Variants in INTS1 observed in about 807,000 individuals in gnomAD.
The protein encoded by INTS1 is integrator complex subunit 1.
In INTS1, 137 loss-of-function variants were observed where a neutral mutation model predicts 241.6. The ratio of observed to expected loss-of-function variants is 0.57; its 90% CI spans 0.49 to 0.65. The LOEUF is 0.65. INTS1 is among the 30% of genes least tolerant of loss of function. The pLI is 0.00. For synonymous variants in INTS1, 1,692 were observed against 1,337.8 expected (o/e 1.26, Z -5.78); for missense variants, 3,073 against 3,032.2 (o/e 1.01, Z -0.32).
chr7:1,488,468 G>T (rs552394176), intron 18 of INTS1, among the ~76,000 whole-genome samples: 2 of 152,066 alleles, frequency 1.3e-5, no homozygotes, highest in South Asian at 2.1e-4. Context: ...CTTCAGAGGT[G>T]GGGGGAAGCA....
chr7:1,482,021 GGGGGC>G (rs1562495726), intron 27 of INTS1, among the ~76,000 whole-genome samples: 12 of 152,202 alleles, frequency 7.9e-5, no homozygotes, highest in African/African-American at 2.9e-4. Flanking sequence ...GGTGGCTTCC[GGGGGC>G]ACACAACAGC....
intron 39 of INTS1, 82 bp from the exon 40 acceptor site, chr7:1,474,920 G>C (rs931147837): frequency 6.7e-7 from 1 of 1,497,960 alleles, no homozygotes; most frequent in African/African-American, 1.4e-5. Context: ...GCCAGCTGTG[G>C]CCGTGATCCA....
At chr7:1,502,015 G>A (rs1351759137) in intron 3 of INTS1, among the ~76,000 whole-genome samples, 3 of 152,006 alleles carry the variant, frequency 2.0e-5, no homozygotes, top group African/African-American at 4.8e-5. Flanking sequence ...CAGGGCCGTC[G>A]GGGACTCACT....
In INTS1 at chr7:1,503,055, C is replaced by A. The variant is rs767705993; in HGVS notation, c.195G>T (p.Leu65Phe). 1.2e-6 allele frequency: 2 copies of A among 1,613,390 alleles called. No individual in the cohort carries two copies. The highest frequency in any genetic ancestry group is 1.7e-5 in the Admixed American group (1 of 60,010). ...SERKRDAAAA[L>F]SSASALTGLT... ...GACCGGTGAGGGCCGAGGCACTGGA[C>A]AACGCGGCCGCCGCATCCCGCTTGC... Residue 65 changes from leucine (L) to phenylalanine (F), a missense_variant, in exon 3 of 48, where the codon TTG becomes TTT. Physicochemically the swap from Leu to Phe is conservative, Grantham distance 22. Coordinates refer to ENST00000404767, the MANE Select transcript of INTS1 (RefSeq NM_001080453.3).
At chr7:1,480,764 G>T in intron 29 of INTS1, 71 bp downstream of exon 29, 1 of 1,253,856 alleles carries the variant, frequency 8.0e-7, no homozygotes. Flanking sequence ...CCCTCCCCAG[G>T]CTGGGTCTCT....
rs10271584 is a variant in INTS1, at chr7:1,488,772, G to A, written c.2318+572C>T. Among the ~76,000 whole-genome samples, 383 of 152,306 alleles carry A rather than the reference G, an allele frequency of 2.5e-3. 3 individuals are homozygous for A. The highest frequency in any genetic ancestry group is 8.6e-3 in the African/African-American group (357 of 41,576). ...TAGGATGCTGGCCCCAGAGCTCATC[G>A]GCCCTCGCCCACACTGTGTGGGCAC... On this transcript the variant is annotated intron_variant, in intron 18 of 47. Coordinates refer to ENST00000404767, the MANE Select transcript of INTS1 (RefSeq NM_001080453.3).
chr7:1,487,620 G>A (rs889357306), intron 19 of INTS1, 140 bp downstream of exon 19: 64 of 1,278,234 alleles, frequency 5.0e-5, no homozygotes, highest in Non-Finnish European at 2.6e-5. Flanking sequence ...CCAGGGACGC[G>A]GGGACGGGGC....
intron 16 of INTS1, among the ~76,000 whole-genome samples, chr7:1,490,785 C>T (rs1184999305): frequency 6.6e-6 from 1 of 152,216 alleles, no homozygotes; most frequent in Non-Finnish European, 1.5e-5. Flanking sequence ...TGGGAAAGAA[C>T]AAAGTTGGAA....
At chr7:1,500,700 C>T (rs1002507131) in intron 3 of INTS1, among the ~76,000 whole-genome samples, 6 of 152,198 alleles carry the variant, frequency 3.9e-5, no homozygotes, top group Non-Finnish European at 8.8e-5. Flanking sequence ...GTGGCTCCGT[C>T]TGGCGGCTTC....
chr7:1,480,847 G>C lies in INTS1; in HGVS notation c.3937C>G (p.Pro1313Ala). Residue 1313 changes from proline (P) to alanine (A), a missense_variant, in exon 29 of 48, where the codon CCG (proline) becomes GCG (alanine). Transcript: ENST00000404767. ...TFHSLLTASL[P>A]PRRDSTEAPK... ...CCCTCCCCAGTACCTCGGCGGGGCG[G>C]CAGGGAGGCTGTGAGCAAGGAGTGG... The C allele has an allele frequency of 6.4e-7, 1 of 1,552,312 alleles. No homozygotes were observed. The highest frequency in any genetic ancestry group is 8.7e-7 in the Non-Finnish European group (1 of 1,148,724).
chr7:1,502,347 G>T (rs923501871), intron 3 of INTS1, among the ~76,000 whole-genome samples: 2 of 152,102 alleles, frequency 1.3e-5, no homozygotes, highest in African/African-American at 4.8e-5. Context: ...GGGCAGGGGC[G>T]ATTCTAGGCA....
intron 19 of INTS1, 69 bp from the exon 20 acceptor site, chr7:1,487,518 C>T: frequency 6.5e-7 from 1 of 1,534,200 alleles, no homozygotes; most frequent in Non-Finnish European, 8.8e-7. Context: ...CCCTCCTCCT[C>T]CCATCCCTGC....
Position 1,470,571 on chromosome 7 carries a change from A to G in INTS1, c.*6T>C. ...GGGGCTTGGAGGGGGGTCGGCTGCC[A>G]CAGGCTCACATCACGGCCTCCATAT... On this transcript the variant is annotated 3_prime_UTR_variant, in exon 48 of 48. Transcript: ENST00000404767. 1 of 1,546,870 alleles carries G rather than the reference A, an allele frequency of 6.5e-7. No individual in the cohort carries two copies. The highest frequency in any genetic ancestry group is 8.7e-7 in the Non-Finnish European group (1 of 1,145,692).
chr7:1,478,170 G>T (rs929380341), intron 33 of INTS1, among the ~76,000 whole-genome samples, 196 bp downstream of exon 33: 2 of 151,876 alleles, frequency 1.3e-5, no homozygotes, highest in African/African-American at 4.8e-5. Flanking sequence ...GTGATCAGGG[G>T]CCCCCCAAGG....
intron 20 of INTS1, 102 bp downstream of exon 20, chr7:1,487,218 C>G (rs908183650): frequency 2.7e-6 from 4 of 1,503,800 alleles, no homozygotes; most frequent in Admixed American, 4.1e-5. Context: ...TCATGGGCCC[C>G]GCATCCAGGT....
At chr7:1,485,530 G>A (rs1413139226) in intron 22 of INTS1, 61 bp from the exon 23 acceptor site, 10 of 1,535,288 alleles carry the variant, frequency 6.5e-6, no homozygotes, top group Non-Finnish European at 8.8e-6. Flanking sequence ...TCTCACCCTG[G>A]CCCCGGGAGC....
intron 13 of INTS1, 112 bp from the exon 14 acceptor site, chr7:1,495,005 C>A (rs1410643527): frequency 4.1e-5 from 51 of 1,256,704 alleles, no homozygotes; most frequent in Middle Eastern, 2.1e-4. Flanking sequence ...AGAGGCCGGG[C>A]TGCCTGGTGC....
In INTS1 at chr7:1,489,666, GGTTC is replaced by G; in HGVS notation, c.2178_2181del (p.Asn727SerfsTer36). The G allele has an allele frequency of 1.3e-6, 2 of 1,562,584 alleles. No individual in the cohort carries two copies. The highest frequency in any genetic ancestry group is 1.7e-6 in the Non-Finnish European group (2 of 1,152,632). ...TTCCAGTAGAGGGTAGAGATGGCGA[GGTTC>G]GGAGGCTGGTACCTGGAAGGCAGGG... is the stretch of plus-strand genomic sequence containing the variant. On this transcript the variant is annotated frameshift_variant, in exon 17 of 48. Transcript: ENST00000404767. LOFTEE classifies it high-confidence loss of function.
In INTS1 at chr7:1,498,966, C is replaced by T. The variant is rs1358302569; in HGVS notation, c.1137+9G>A. On this transcript the variant is annotated intron_variant, in intron 8 of 47. Transcript: ENST00000404767. ...CTGCCCCGCCCACCCCCCCGGGGCG[C>T]CCCCGCACCTTGGGGTTCTGCAGCC... 3 of 1,468,406 alleles carry T rather than the reference C, an allele frequency of 2.0e-6. No individual in the cohort carries two copies. The highest frequency in any genetic ancestry group is 9.2e-7 in the Non-Finnish European group (1 of 1,090,438). 91.0% of individuals were successfully genotyped at this position (1,468,406 alleles called of 1,614,324 possible). A position where few individuals can be genotyped will look rare whatever the true frequency, so the allele number is the denominator to read the frequency against.
Sources: gnomAD v4.1 joint callset for allele counts (sites outside exome capture counted in the v4.1 genomes callset) on GRCh38, gnomAD v4.1.1 for gene constraint, MANE v1.5 for transcripts, NCBI Gene and HGNC (gene_info 2026-07-23, HGNC 2026-07-21) for gene names.